The following PATL1 variants were observed in gnomAD, a reference collection of about 807,000 sequenced individuals.
The protein encoded by PATL1 is protein PAT1 homolog 1.
A neutral mutation model predicts 100.6 loss-of-function variants in PATL1; 32 were observed. The observed-to-expected ratio is 0.32, with a 90% CI of 0.24 to 0.43. The LOEUF (loss-of-function observed/expected upper bound fraction) is 0.43, where lower values mean the gene tolerates loss of function less well. Ranked by LOEUF, PATL1 falls within the 20% of genes least tolerant of loss-of-function variation. The pLI is 1.00. For synonymous variants in PATL1, 332 were observed against 330.0 expected (o/e 1.01, Z -0.07); for missense variants, 747 against 949.9 (o/e 0.79, Z 2.81).
chr11:59,652,009 G>A (rs1371409485), intron 11 of PATL1, among the ~76,000 whole-genome samples: 2 of 133,984 alleles, frequency 1.5e-5, no homozygotes, highest in Non-Finnish European at 3.1e-5. Context: ...AGGTTGCAGC[G>A]AGCTGAGATG....
chr11:59,658,940 G>C lies in PATL1; in HGVS notation c.352C>G (p.Pro118Ala). Residue 118 changes from proline to alanine, a missense_variant, in exon 4 of 19, where the codon CCA becomes GCA. Coordinates refer to ENST00000300146, the MANE Select transcript of PATL1 (RefSeq NM_152716.3). Reference sequence around the variant, plus strand: ...CAGATACTGGAATTCAGACTTCCTGGTTGGGGCTAACAAAAAAGGAAAACA... The same window carrying C: ...CAGATACTGGAATTCAGACTTCCTGCTTGGGGCTAACAAAAAAGGAAAACA... The part of the protein sequence containing the change: ...VQTRPVLQPQ[P>A]GSLNSSIWDG... 6.5e-7 allele frequency: 1 copy of C among 1,548,322 alleles called. No individual in the cohort carries two copies. The highest frequency in any genetic ancestry group is 8.7e-7 in the Non-Finnish European group (1 of 1,146,158).
rs1169865660 is a variant in PATL1, at chr11:59,655,571, G to A, written c.983C>T (p.Pro328Leu). ...TGGGCCAGGAGGGTGCTGCTGTGGA[G>A]GTGGTGTAGCGGAGGGTGGAGCACT... ...FFSAPPSATP[P>L]PQQHPPGPGP... is the part of the protein sequence containing the mutation. The change falls in exon 8 of 19, where the codon CCT (proline) becomes CTT (leucine). Residue 328 changes from proline to leucine, a missense_variant. Around this residue, in one of 4 missense-constraint regions of PATL1, gnomAD observed 434 missense variants for 596.1 expected, o/e 0.73. Transcript: ENST00000300146. The A allele has an allele frequency of 3.1e-6, 5 of 1,590,642 alleles. No individual in the cohort carries two copies. Among genetic ancestry groups the A allele is most frequent in the Non-Finnish European group, 4.3e-6 (5 of 1,168,154 alleles).
chr11:59,651,390 G>C (rs1861441197), intron 12 of PATL1, among the ~76,000 whole-genome samples, 154 bp downstream of exon 12: 1 of 152,180 alleles, frequency 6.6e-6, no homozygotes, highest in African/African-American at 2.4e-5. Context: ...TAATACTGCA[G>C]CACATCTGTG....
Position 59,655,952 on chromosome 11 carries a change from T to C in PATL1, c.813+4A>G. 1 of 1,577,518 alleles carries C rather than the reference T, an allele frequency of 6.3e-7. No homozygotes were observed. ...TTTATGGGTAGGGCTAATCACAGGC[T>C]TACCTGTGCTCCTCCAAGAAGCTGT... On this transcript the variant is annotated splice_donor_region_variant and intron_variant, in intron 7 of 18. Transcript: ENST00000300146.
At chr11:59,652,808 T>C in intron 10 of PATL1, 30 bp downstream of exon 10, 13 of 1,603,900 alleles carry the variant, frequency 8.1e-6, no homozygotes, top group Non-Finnish European at 1.1e-5. Context: ...GACCAAACTA[T>C]TATCCTCAAA....
Position 59,638,350 on chromosome 11 carries a change from T to C in PATL1, c.*40A>G. ...CCATTGGTGATGGCAGCAGTGCAGG[T>C]GGCAGCCAAAAGGAGGTACAGGACA... On this transcript the variant is annotated 3_prime_UTR_variant, in exon 19 of 19. Transcript: ENST00000300146. 6.3e-7 allele frequency: 1 copy of C among 1,596,836 alleles called. No homozygotes were observed. The highest frequency in any genetic ancestry group is 8.6e-7 in the Non-Finnish European group (1 of 1,165,644).
chr11:59,638,207 T>G lies in PATL1; in HGVS notation c.*183A>C. The G allele has an allele frequency of 1.6e-6, 1 of 630,600 alleles. No individual in the cohort carries two copies. The highest frequency in any genetic ancestry group is 2.0e-5 in the South Asian group (1 of 50,786). The allele number at this position is 630,600 out of a possible 1,614,324, so 39.1% of individuals were successfully genotyped here. A position where few individuals can be genotyped will look rare whatever the true frequency, so the allele number is the denominator to read the frequency against. On this transcript the variant is annotated 3_prime_UTR_variant, in exon 19 of 19. Coordinates refer to ENST00000300146, the MANE Select transcript of PATL1 (RefSeq NM_152716.3). ...AGCAGAAGTATCACCCAGCCAAATT[T>G]CATAGAGCAGTGGGGAAATATCTGA...
At chr11:59,652,208 G>T (rs963637827) in intron 11 of PATL1, among the ~76,000 whole-genome samples, 1 of 151,398 alleles carries the variant, frequency 6.6e-6, no homozygotes, top group Non-Finnish European at 1.5e-5. Context: ...TTATTTTAGG[G>T]GTACTGAAAA....
At chr11:59,656,654 ACCTACACTCCCTCC>A (rs1332392787) in intron 5 of PATL1, 54 bp from the exon 6 acceptor site, 22 of 1,469,234 alleles carry the variant, frequency 1.5e-5, no homozygotes, top group Admixed American at 5.3e-5. Context: ...TTTTTCTTCC[ACCTACACTCCCTCC>A]CCTCAAGTAC....
At chr11:59,651,063 T>C (rs929542946) in intron 12 of PATL1, among the ~76,000 whole-genome samples, 1 of 152,182 alleles carries the variant, frequency 6.6e-6, no homozygotes, top group East Asian at 1.9e-4. Flanking sequence ...ATATGAAATA[T>C]GAAAATCTTT....
chr11:59,668,823 A>G, intron 1 of PATL1, 58 bp downstream of exon 1: 2 of 769,884 alleles, frequency 2.6e-6, no homozygotes, highest in Non-Finnish European at 4.0e-6. Flanking sequence ...GCGGAGAGAG[A>G]GTGAGGGAGA....
chr11:59,647,770 T>C lies in PATL1; in HGVS notation c.1877A>G (p.Lys626Arg). Residue 626 changes from lysine (K) to arginine (R), a missense_variant, in exon 15 of 19, where the codon AAG (lysine) becomes AGG (arginine). Physicochemically the swap from Lys to Arg is conservative, Grantham distance 26. This residue lies in a region of PATL1 where 434 missense variants were observed against 596.1 expected (regional missense o/e 0.73). Coordinates refer to ENST00000300146, the MANE Select transcript of PATL1 (RefSeq NM_152716.3). ...CATAGTCACCTCATCTTGTGCATCC[T>C]TCTTGATAAGGAAAGGGAGGTTCCT... ...TARNLPFLIKKDAQDEVLPCL... is the reference protein window; with the variant it reads ...TARNLPFLIKRDAQDEVLPCL... 6.2e-7 allele frequency: 1 copy of C among 1,614,004 alleles called. No individual in the cohort carries two copies. Among genetic ancestry groups the C allele is most frequent in the Non-Finnish European group, 8.5e-7 (1 of 1,179,880 alleles).
intron 2 of PATL1, among the ~76,000 whole-genome samples, chr11:59,665,431 C>T (rs1476377029): frequency 6.6e-6 from 1 of 152,210 alleles, no homozygotes; most frequent in Non-Finnish European, 1.5e-5. Context: ...AACATAAACG[C>T]TGTTATTGCT....
Position 59,649,480 on chromosome 11 carries a change from T to G in PATL1, c.1715A>C (p.Lys572Thr). 6.2e-7 allele frequency: 1 copy of G among 1,613,894 alleles called. No individual in the cohort carries two copies. The highest frequency in any genetic ancestry group is 8.5e-7 in the Non-Finnish European group (1 of 1,179,862). Residue 572 changes from lysine (K) to threonine (T), a missense_variant, in exon 14 of 19, where the codon AAA becomes ACA. By Grantham distance (78) the Lys-to-Thr change is moderately conservative (BLOSUM62 -1). Around this residue, in one of 4 missense-constraint regions of PATL1, gnomAD observed 434 missense variants for 596.1 expected, o/e 0.73. Transcript: ENST00000300146. Reference protein sequence around the residue: ...ICSMYDNLRGKLPGQERPSDD... With the variant: ...ICSMYDNLRGTLPGQERPSDD... Reference sequence around the variant, plus strand: ...TGCTTACCTCTCTTGTCCAGGCAATTTCCCCCTTAAGTTGTCATACATGCT... The same window carrying G: ...TGCTTACCTCTCTTGTCCAGGCAATGTCCCCCTTAAGTTGTCATACATGCT...
chr11:59,649,748 G>C, intron 13 of PATL1, 138 bp from the exon 14 acceptor site: 1 of 901,598 alleles, frequency 1.1e-6, no homozygotes, highest in East Asian at 2.8e-5. Flanking sequence ...TTTTAATGTA[G>C]AAAACCATAT....
intron 11 of PATL1, 73 bp downstream of exon 11, chr11:59,652,391 T>C: frequency 6.6e-7 from 1 of 1,511,194 alleles, no homozygotes; most frequent in Non-Finnish European, 8.9e-7. Flanking sequence ...CATATACACT[T>C]GTCTATATTT....
intron 6 of PATL1, 27 bp from the exon 7 acceptor site, chr11:59,656,072 A>AG (rs1384173988): frequency 6.8e-6 from 8 of 1,171,346 alleles, no homozygotes; most frequent in Admixed American, 3.3e-5. Context: ...AAAAAAAAAA[A>AG]GAATATGCTA....
At position 59,637,834 on chromosome 11, in the gene PATL1, G is replaced by A. The variant is rs189042723; in HGVS notation, c.*556C>T. 1 of 153,918 alleles carries A rather than the reference G, an allele frequency of 6.5e-6. No homozygotes were observed. Among genetic ancestry groups the A allele is most frequent in the East Asian group, 1.9e-4 (1 of 5,236 alleles). The allele number at this position is 153,918 out of a possible 1,614,324, so 9.5% of individuals were successfully genotyped here. A position where few individuals can be genotyped will look rare whatever the true frequency, so the allele number is the denominator to read the frequency against. On this transcript the variant is annotated 3_prime_UTR_variant, in exon 19 of 19. Transcript: ENST00000300146. ...ATCAGCTGGTTTGTGTTTAGAAGAGGTAATGAGACAACTAAATATTTTTCA... is the reference window on the plus strand; with the variant it reads ...ATCAGCTGGTTTGTGTTTAGAAGAGATAATGAGACAACTAAATATTTTTCA...
rs780566870 is a variant in PATL1 at position 59,653,031 on chromosome 11, C to T, written c.1122-13G>A. On this transcript the variant is annotated splice_polypyrimidine_tract_variant and intron_variant, in intron 9 of 18. Transcript: ENST00000300146. ...ATTCCGATGCTGACTGAAAAACATA[C>T]ACCACATTCATTCCATGTGGGCAAA... 6.3e-7 allele frequency: 1 copy of T among 1,597,062 alleles called. No homozygotes were observed. The highest frequency in any genetic ancestry group is 8.6e-7 in the Non-Finnish European group (1 of 1,167,616).
Sources: gnomAD v4.1 joint callset for allele counts (sites outside exome capture counted in the v4.1 genomes callset) on GRCh38, gnomAD v4.1.1 for gene constraint, gnomAD v4.1.1 regional missense constraint, MANE v1.5 for transcripts, NCBI Gene and HGNC (gene_info 2026-07-23, HGNC 2026-07-21) for gene names.